Variants in VOPP1 observed in about 807,000 individuals in gnomAD.
The protein encoded by VOPP1 is VOPP1 WW domain binding protein.
In VOPP1, 8 loss-of-function variants were observed where a neutral mutation model predicts 23.5. That is an observed-to-expected ratio of 0.34 (90% CI 0.20 to 0.61). VOPP1 has a LOEUF of 0.61. Ranked by LOEUF, VOPP1 falls within the 20% of genes least tolerant of loss-of-function variation. The probability of loss-of-function intolerance (pLI) is 0.78; values close to 1 mark genes in which losing one functional copy is unlikely to be tolerated. For synonymous variants in VOPP1, 83 were observed against 97.3 expected (o/e 0.85, Z 0.86); for missense variants, 174 against 238.1 (o/e 0.73, Z 1.77).
At chr7:55,473,589 C>T (rs1012756331) in intron 4 of VOPP1, among the ~76,000 whole-genome samples, 3 of 152,180 alleles carry the variant, frequency 2.0e-5, no homozygotes, top group Admixed American at 6.5e-5. Context: ...CGCAGGCTGA[C>T]TCCCTAGTGA....
chr7:55,556,512 T>C (rs950217390), intron 1 of VOPP1, among the ~76,000 whole-genome samples: 1 of 152,140 alleles, frequency 6.6e-6, no homozygotes, highest in African/African-American at 2.4e-5. Flanking sequence ...AGGAACTCCC[T>C]CCACGACAGG....
At chr7:55,527,089 A>T (rs1796235046) in intron 1 of VOPP1, 1 of 152,246 alleles carries the variant, frequency 6.6e-6, no homozygotes, top group Admixed American at 6.5e-5. Flanking sequence ...GGCAGGGGGT[A>T]GCCTGCTCAA....
rs776434526 is a variant in VOPP1, at chr7:55,552,341, G to T, written c.54+19930C>A. ...CTCCTCCCAAGAAGCTCAGACTATC[G>T]CAAAATGCTGTTCTCTTCATAGGAA... is the stretch of plus-strand genomic sequence containing the variant. On this transcript the variant is annotated intron_variant, in intron 1 of 4. Coordinates refer to ENST00000285279, the MANE Select transcript of VOPP1 (RefSeq NM_030796.5). Among the ~76,000 whole-genome samples, 4 of 152,160 alleles carry T rather than the reference G, an allele frequency of 2.6e-5. 1 individual carries two copies. Among genetic ancestry groups the T allele is most frequent in the South Asian group, 4.1e-4 (2 of 4,824 alleles).
chr7:55,532,741 C>T (rs1172654281), intron 1 of VOPP1, among the ~76,000 whole-genome samples: 2 of 152,206 alleles, frequency 1.3e-5, no homozygotes, highest in African/African-American at 4.8e-5. Context: ...CACACCCTGT[C>T]AGCATTCTCT....
chr7:55,551,346 C>G (rs1797598419), intron 1 of VOPP1, among the ~76,000 whole-genome samples: 1 of 152,164 alleles, frequency 6.6e-6, no homozygotes, highest in Non-Finnish European at 1.5e-5. Context: ...AGCACCAGAA[C>G]CCCACGTGCA....
chr7:55,492,215 AC>A, intron 4 of VOPP1, 66 bp downstream of exon 4: 1 of 1,538,468 alleles, frequency 6.5e-7, no homozygotes, highest in Non-Finnish European at 8.8e-7. Flanking sequence ...CTGCAGCAGT[AC>A]CCTTTATAAA....
In VOPP1 at chr7:55,457,589, G is replaced by C. The variant is rs144470861; in HGVS notation, n.418-21415C>G. Among the ~76,000 whole-genome samples the C allele has an allele frequency of 2.7e-3, 411 of 151,806 alleles. 2 individuals carry two copies. Among genetic ancestry groups the C allele is most frequent in the African/African-American group, 8.1e-3 (335 of 41,468 alleles). ...TTATATATCCACCAACAGTGTGTAA[G>C]AGTTCCCTTTTCTCCATATTGTTGC... On this transcript the variant is annotated intron_variant and non_coding_transcript_variant, in intron 4 of 4. Coordinates refer to the VOPP1 transcript ENST00000462326.
At chr7:55,461,120 T>C (rs1343298035) in intron 4 of VOPP1, among the ~76,000 whole-genome samples, 1 of 152,046 alleles carries the variant, frequency 6.6e-6, no homozygotes, top group African/African-American at 2.4e-5. Flanking sequence ...CTATTCTAAG[T>C]GAAGTAACTC....
chr7:55,496,728 C>T (rs934396294), intron 3 of VOPP1, among the ~76,000 whole-genome samples: 2 of 152,176 alleles, frequency 1.3e-5, no homozygotes, highest in Non-Finnish European at 2.9e-5. Flanking sequence ...AAGATAAAAC[C>T]GCATAAAAAT....
chr7:55,566,837 C>T (rs1798178691), intron 1 of VOPP1, among the ~76,000 whole-genome samples: 1 of 152,110 alleles, frequency 6.6e-6, no homozygotes, highest in Admixed American at 6.6e-5. Flanking sequence ...TGATTTAAAA[C>T]CATGTTTTGA....
chr7:55,532,905 G>A (rs1198906374), intron 1 of VOPP1, among the ~76,000 whole-genome samples: 1 of 152,204 alleles, frequency 6.6e-6, no homozygotes, highest in Non-Finnish European at 1.5e-5. Context: ...CTTGTGCTTA[G>A]AAGACTTTCT....
At chr7:55,517,399 A>G (rs1795531022) in intron 2 of VOPP1, among the ~76,000 whole-genome samples, 1 of 151,944 alleles carries the variant, frequency 6.6e-6, no homozygotes, top group Admixed American at 6.6e-5. Flanking sequence ...TGGGCCCTCC[A>G]CAGACACCTG....
At chr7:55,496,515 G>C (rs1299859527) in intron 3 of VOPP1, among the ~76,000 whole-genome samples, 1 of 152,210 alleles carries the variant, frequency 6.6e-6, no homozygotes, top group Non-Finnish European at 1.5e-5. Context: ...CTTGTTAGGG[G>C]GGTACACCTA....
At position 55,449,544 on chromosome 7, in the gene VOPP1, T is replaced by C. The variant is rs180837595; in HGVS notation, n.418-13370A>G. 9.2e-3 allele frequency among the ~76,000 whole-genome samples: 1,404 copies of C among 152,252 alleles called. 21 individuals are homozygous for C. The highest frequency in any genetic ancestry group is 0.032 in the African/African-American group (1,348 of 41,556). On this transcript the variant is annotated intron_variant and non_coding_transcript_variant, in intron 4 of 4. Transcript: ENST00000462326. The stretch of plus-strand genomic sequence containing the variant: ...GCGCGGCCAGCGGGCGCAGGACAGA[T>C]GGGGAGACGACGCCCCAGCCTTCCC...
chr7:55,531,995 A>T (rs1264943759), intron 1 of VOPP1, among the ~76,000 whole-genome samples: 2 of 152,244 alleles, frequency 1.3e-5, no homozygotes, highest in Non-Finnish European at 2.9e-5. Flanking sequence ...TTCAAGGGCA[A>T]AATGCCAAAA....
chr7:55,557,210 C>T (rs1797839815), intron 1 of VOPP1, among the ~76,000 whole-genome samples: 1 of 152,130 alleles, frequency 6.6e-6, no homozygotes, highest in Admixed American at 6.5e-5. Context: ...CTAGGTCCGA[C>T]TGCAGAAAAT....
chr7:55,482,634 C>T (rs1237400616), intron 4 of VOPP1, among the ~76,000 whole-genome samples: 5 of 151,970 alleles, frequency 3.3e-5, no homozygotes, highest in East Asian at 1.9e-4. Context: ...CCACCGCGTC[C>T]GGCCAAGAGG....
At chr7:55,571,775 G>A (rs1798366374) in intron 1 of VOPP1, 1 of 153,380 alleles carries the variant, frequency 6.5e-6, no homozygotes, top group Non-Finnish European at 1.5e-5. Context: ...CACAACTCCC[G>A]GCACTCCCGC....
intron 1 of VOPP1, among the ~76,000 whole-genome samples, chr7:55,558,615 G>A (rs988223119): frequency 6.6e-6 from 1 of 152,120 alleles, no homozygotes; most frequent in Non-Finnish European, 1.5e-5. Context: ...AGAGAGCCCA[G>A]GCATCCCTGT....
Sources: allele counts gnomAD v4.1 joint callset (sites outside exome capture counted in the v4.1 genomes callset), GRCh38; gene constraint gnomAD v4.1.1; transcripts MANE v1.5; gene names NCBI Gene and HGNC (gene_info 2026-07-23, HGNC 2026-07-21).